The following MEIS2 variants were observed in gnomAD, a reference collection of about 807,000 sequenced individuals.
The protein encoded by MEIS2 is Meis homeobox 2.
Under a neutral mutation model 58.6 loss-of-function variants are expected in MEIS2, and 9 were observed. The ratio of observed to expected loss-of-function variants is 0.15; its 90% CI spans 0.09 to 0.27. The LOEUF is 0.27. Among genes scored for constraint, MEIS2 ranks in the 10% least tolerant of loss-of-function variants. The pLI, the probability that MEIS2 is intolerant of heterozygous loss-of-function variation, is 1.00. For synonymous variants in MEIS2, 221 were observed against 228.4 expected, an observed-to-expected ratio of 0.97 and a Z score of 0.29; for missense variants, 427 against 635.0, an observed-to-expected ratio of 0.67 and a Z score of 3.52.
chr15:37,072,999 A>C (rs1890915732), intron 7 of MEIS2, among the ~76,000 whole-genome samples: 2 of 152,090 alleles, frequency 1.3e-5, no homozygotes, highest in South Asian at 4.1e-4. Context: ...TTGCTTACTA[A>C]ATATTACCAA....
intron 8 of MEIS2, among the ~76,000 whole-genome samples, chr15:37,010,212 C>T (rs1355721879): frequency 4.6e-5 from 7 of 151,844 alleles, no homozygotes; most frequent in South Asian, 2.1e-4. Context: ...CTCAGCCTCC[C>T]GAGTAGCTGG....
intron 8 of MEIS2, among the ~76,000 whole-genome samples, chr15:36,957,520 C>T (rs2059023816): frequency 6.6e-6 from 1 of 152,174 alleles, no homozygotes; most frequent in Admixed American, 6.5e-5. Context: ...CATCATAGTT[C>T]ATTCAAACAG....
At chr15:37,086,742 G>A (rs1892939532) in intron 6 of MEIS2, among the ~76,000 whole-genome samples, 1 of 152,126 alleles carries the variant, frequency 6.6e-6, no homozygotes, top group African/African-American at 2.4e-5. Flanking sequence ...AATCCCTCTG[G>A]GGTTTCAAGG....
chr15:36,980,522 C>T (rs1466165559), intron 8 of MEIS2, among the ~76,000 whole-genome samples: 1 of 152,138 alleles, frequency 6.6e-6, no homozygotes, highest in Non-Finnish European at 1.5e-5. Context: ...ACCATCAGAT[C>T]TTGTGAGACT....
chr15:36,935,197 T>C (rs2058120051), intron 9 of MEIS2, among the ~76,000 whole-genome samples: 1 of 151,734 alleles, frequency 6.6e-6, no homozygotes, highest in Non-Finnish European at 1.5e-5. Context: ...TTTTTTTTTT[T>C]TTTTTTAGCG....
At chr15:36,894,235 C>G (rs1420001103) in intron 11 of MEIS2, among the ~76,000 whole-genome samples, 1 of 152,142 alleles carries the variant, frequency 6.6e-6, no homozygotes, top group African/African-American at 2.4e-5. Flanking sequence ...TATATCTAGA[C>G]TAGGCATAAT....
At chr15:36,998,328 C>A (rs996043360) in intron 8 of MEIS2, among the ~76,000 whole-genome samples, 2 of 143,574 alleles carry the variant, frequency 1.4e-5, no homozygotes. Flanking sequence ...CCTCCACATC[C>A]TCCCACCTCA....
Position 36,995,997 on chromosome 15 carries a change from A to ATG in MEIS2, c.900+40816_900+40817insCA, listed in dbSNP as rs1567160055. ...TATATATATATATATATATATATAT[A>ATG]TATATGTATATATATATACATATGT... On this transcript the variant is annotated intron_variant, in intron 8 of 11. Coordinates refer to ENST00000561208, the MANE Select transcript of MEIS2 (RefSeq NM_170675.5). Among the ~76,000 whole-genome samples the ATG allele has an allele frequency of 2.6e-4, 15 of 56,770 alleles. No homozygotes were observed. The South Asian group carries it at 3.0e-3, about 11-fold the overall frequency. 37.2% of individuals were successfully genotyped at this position (56,770 alleles called of 152,430 possible). A position where few individuals can be genotyped will look rare whatever the true frequency, so the allele number is the denominator to read the frequency against.
In MEIS2 at chr15:37,098,068, T is replaced by C. The variant is rs775688077; in HGVS notation, c.144A>G (p.Thr48=). ...HLNHGPPLHA[T]QHYGAHAPHP... is the part of the protein sequence containing the mutation. The stretch of plus-strand genomic sequence containing the variant: ...GCGGGGCGTGCGCGCCGTAGTGCTG[T>C]GTGGCGTGGAGCGGCGGCCCGTGGT... The change falls in exon 2 of 12, where the codon ACA becomes ACG. Residue 48 remains threonine, a synonymous_variant. Transcript: ENST00000561208. 2 of 1,613,784 alleles carry C rather than the reference T, an allele frequency of 1.2e-6. No individual in the cohort carries two copies. Among genetic ancestry groups the C allele is most frequent in the Middle Eastern group, 1.6e-4 (1 of 6,062 alleles).
At chr15:36,965,991 G>A (rs557974058) in intron 8 of MEIS2, among the ~76,000 whole-genome samples, 1 of 152,338 alleles carries the variant, frequency 6.6e-6, no homozygotes, top group African/African-American at 2.4e-5. Context: ...AATAATATAT[G>A]CTCAAATCTC....
At chr15:37,048,946 CA>C (rs970770722) in intron 7 of MEIS2, among the ~76,000 whole-genome samples, 2 of 152,062 alleles carry the variant, frequency 1.3e-5, no homozygotes, top group Non-Finnish European at 2.9e-5. Flanking sequence ...AACATTTTTT[CA>C]AAGAACATTT....
At chr15:37,013,223 GA>G (rs1269320890) in intron 8 of MEIS2, among the ~76,000 whole-genome samples, 1 of 152,084 alleles carries the variant, frequency 6.6e-6, no homozygotes, top group Non-Finnish European at 1.5e-5. Flanking sequence ...AAACGAGAGA[GA>G]AAGGATCTTA....
intron 7 of MEIS2, among the ~76,000 whole-genome samples, chr15:37,038,812 C>G (rs983218746): frequency 1.3e-5 from 2 of 152,208 alleles, no homozygotes; most frequent in South Asian, 4.1e-4. Flanking sequence ...CGGAGTGTCG[C>G]CTGGACAAGG....
At chr15:37,055,268 G>A (rs1157937899) in intron 7 of MEIS2, among the ~76,000 whole-genome samples, 15 of 152,072 alleles carry the variant, frequency 9.9e-5, no homozygotes, top group Non-Finnish European at 2.1e-4. Context: ...ATATACATTC[G>A]ACTATGAACG....
intron 8 of MEIS2, among the ~76,000 whole-genome samples, chr15:36,967,696 T>C (rs1046733933): frequency 6.6e-6 from 1 of 152,222 alleles, no homozygotes; most frequent in Non-Finnish European, 1.5e-5. Flanking sequence ...TATAAAATCC[T>C]AACCAAACCA....
At chr15:36,938,197 C>CT in intron 9 of MEIS2, among the ~76,000 whole-genome samples, 1 of 152,138 alleles carries the variant, frequency 6.6e-6, no homozygotes. Flanking sequence ...CCAAAGCCTC[C>CT]TCTCTTTTTC....
chr15:36,964,839 T>G (rs2059304210), intron 8 of MEIS2, among the ~76,000 whole-genome samples: 1 of 152,116 alleles, frequency 6.6e-6, no homozygotes, highest in South Asian at 2.1e-4. Context: ...CTCTGGGAAA[T>G]TTTTTGGAAA....
chr15:37,084,058 TA>T (rs1892584897), intron 6 of MEIS2, among the ~76,000 whole-genome samples, 173 bp from the exon 7 acceptor site: 1 of 152,174 alleles, frequency 6.6e-6, no homozygotes, highest in South Asian at 2.1e-4. Flanking sequence ...AATAGGTATA[TA>T]AAAGAAAAGA....
At chr15:37,029,879 C>T (rs1451911910) in intron 8 of MEIS2, among the ~76,000 whole-genome samples, 1 of 152,094 alleles carries the variant, frequency 6.6e-6, no homozygotes, top group Non-Finnish European at 1.5e-5. Context: ...AAACCATTAC[C>T]ATGGCCAAGT....
Sources: gnomAD v4.1 joint callset for allele counts (sites outside exome capture counted in the v4.1 genomes callset) on GRCh38, gnomAD v4.1.1 for gene constraint, MANE v1.5 for transcripts, NCBI Gene and HGNC (gene_info 2026-07-23, HGNC 2026-07-21) for gene names.